The following CAMK2D variants were observed in gnomAD, a reference collection of about 807,000 sequenced individuals.
The protein encoded by CAMK2D is calcium/calmodulin dependent protein kinase II delta.
In CAMK2D, 37 loss-of-function variants were observed where a neutral mutation model predicts 84.0. That is an observed-to-expected ratio of 0.44 (90% CI 0.34 to 0.58). The LOEUF is 0.58. Ranked by LOEUF, CAMK2D falls within the 20% of genes least tolerant of loss-of-function variation. The pLI is 0.02. For synonymous variants in CAMK2D, 202 were observed against 212.5 expected (o/e 0.95, Z 0.43); for missense variants, 448 against 652.5 (o/e 0.69, Z 3.41).
chr4:113,505,090 T>G (rs766870561), intron 13 of CAMK2D, 55 bp from the exon 14 acceptor site: 7 of 997,598 alleles, frequency 7.0e-6, no homozygotes, highest in African/African-American at 1.6e-5. Context: ...TGGTAGCCAA[T>G]GTCTCTAGAT....
At chr4:113,500,331 T>C (rs1389887986) in intron 16 of CAMK2D, 132 bp downstream of exon 16, 1 of 496,868 alleles carries the variant, frequency 2.0e-6, no homozygotes, top group Non-Finnish European at 3.6e-6. Context: ...TATTTTTTAC[T>C]CATAAATAAA....
In CAMK2D at chr4:113,676,418, T is replaced by C. The variant is rs2214456; in HGVS notation, c.161-14646A>G. Among the ~76,000 whole-genome samples, 256 of 152,300 alleles carry C rather than the reference T, an allele frequency of 1.7e-3. 7 individuals carry two copies. The East Asian group carries it at 0.036, about 22-fold the overall frequency. ...TTCAGTGTCTCCTAGAGTGGCTTTT[T>C]TTTCAAACCATCAGGAATACCAGTC... is the stretch of plus-strand genomic sequence containing the variant. On this transcript the variant is annotated intron_variant, in intron 2 of 20. Transcript: ENST00000511664.
intron 3 of CAMK2D, among the ~76,000 whole-genome samples, chr4:113,645,967 G>C (rs2099150324): frequency 6.6e-6 from 1 of 152,200 alleles, no homozygotes; most frequent in Admixed American, 6.5e-5. Context: ...ATACGATAAG[G>C]AGATGTTAAG....
rs756549511 is a variant in CAMK2D at position 113,513,323 on chromosome 4, T to C, written c.946+5A>G. ...GATAAGAAGCAGAGTTCCCAATGCA[T>C]GTACCTGAGAAATTCCTTGTAGCCA... On this transcript the variant is annotated splice_donor_5th_base_variant and intron_variant, in intron 12 of 20. Coordinates refer to ENST00000511664, the MANE Select transcript of CAMK2D (RefSeq NM_001321571.2). 4 of 1,613,528 alleles carry C rather than the reference T, an allele frequency of 2.5e-6. No homozygotes were observed. The highest frequency in any genetic ancestry group is 2.7e-5 in the African/African-American group (2 of 75,034).
At chr4:113,515,338 TA>T (rs895117487) in intron 9 of CAMK2D, 147 bp from the exon 10 acceptor site, 17 of 555,990 alleles carry the variant, frequency 3.1e-5, no homozygotes, top group Admixed American at 2.7e-4. Context: ...CTAAAATAAA[TA>T]AAACCATTTA....
At chr4:113,748,017 T>C (rs1289386695) in intron 2 of CAMK2D, among the ~76,000 whole-genome samples, 6 of 151,890 alleles carry the variant, frequency 4.0e-5, no homozygotes, top group Non-Finnish European at 5.9e-5. Flanking sequence ...ACTTTGAACT[T>C]GTTTTTTTTC....
At chr4:113,489,405 C>T (rs1333840869) in intron 16 of CAMK2D, among the ~76,000 whole-genome samples, 2 of 149,320 alleles carry the variant, frequency 1.3e-5, no homozygotes, top group African/African-American at 5.0e-5. Context: ...TTTTTTTGTT[C>T]TTGCGATAGT....
intron 3 of CAMK2D, among the ~76,000 whole-genome samples, chr4:113,657,420 T>C (rs976590822): frequency 5.3e-5 from 8 of 152,124 alleles, no homozygotes; most frequent in Non-Finnish European, 7.4e-5. Context: ...AGCTTGGCAA[T>C]GGCTACACAC....
intron 16 of CAMK2D, among the ~76,000 whole-genome samples, chr4:113,496,165 C>A (rs899072689): frequency 6.6e-6 from 1 of 152,158 alleles, no homozygotes; most frequent in African/African-American, 2.4e-5. Flanking sequence ...CTAGGCACAC[C>A]CACACCCCTG....
At chr4:113,659,175 C>T (rs1229721274) in intron 3 of CAMK2D, among the ~76,000 whole-genome samples, 2 of 152,120 alleles carry the variant, frequency 1.3e-5, no homozygotes, top group African/African-American at 2.4e-5. Context: ...TCATTATCCA[C>T]AAAAATTGAG....
At chr4:113,712,302 T>C (rs983414446) in intron 2 of CAMK2D, among the ~76,000 whole-genome samples, 1 of 152,102 alleles carries the variant, frequency 6.6e-6, no homozygotes, top group East Asian at 1.9e-4. Context: ...AAGACTATGG[T>C]TGTTTACTGT....
At chr4:113,542,917 A>G (rs886120155) in intron 6 of CAMK2D, among the ~76,000 whole-genome samples, 9 of 152,066 alleles carry the variant, frequency 5.9e-5, no homozygotes, top group Admixed American at 5.9e-4. Context: ...TGACATTTCC[A>G]TTAAGTAATG....
At chr4:113,737,629 A>G (rs1313491202) in intron 2 of CAMK2D, among the ~76,000 whole-genome samples, 1 of 152,186 alleles carries the variant, frequency 6.6e-6, no homozygotes, top group African/African-American at 2.4e-5. Context: ...AACAGTTAAA[A>G]TGGTGGATTT....
At chr4:113,612,180 T>A (rs2099003017) in intron 3 of CAMK2D, among the ~76,000 whole-genome samples, 1 of 152,202 alleles carries the variant, frequency 6.6e-6, no homozygotes, top group Non-Finnish European at 1.5e-5. Flanking sequence ...TTTAAAAATG[T>A]TTAACTCTTC....
At chr4:113,633,797 AC>A (rs773420739) in intron 3 of CAMK2D, among the ~76,000 whole-genome samples, 13,875 of 152,156 alleles carry the variant, frequency 0.091, 1,887 homozygotes, top group African/African-American at 0.29. Flanking sequence ...GTAAAAATGT[AC>A]ATAATATAAT....
chr4:113,454,640 CTA>C (rs2097283625), intron 20 of CAMK2D, 125 bp from the exon 21 acceptor site: 6 of 652,536 alleles, frequency 9.2e-6, no homozygotes, highest in Non-Finnish European at 1.7e-5. Context: ...ATTGAAAACA[CTA>C]TGTATAAGAG....
intron 2 of CAMK2D, among the ~76,000 whole-genome samples, chr4:113,693,137 C>T (rs2099393145): frequency 1.3e-5 from 2 of 152,070 alleles, no homozygotes; most frequent in African/African-American, 4.8e-5. Context: ...GAATGGAAGG[C>T]AAGAAGTATT....
At chr4:113,483,156 C>T (rs1043444930) in intron 16 of CAMK2D, among the ~76,000 whole-genome samples, 1 of 152,150 alleles carries the variant, frequency 6.6e-6, no homozygotes, top group Non-Finnish European at 1.5e-5. Flanking sequence ...AATGCACTAG[C>T]AGATATAATT....
intron 16 of CAMK2D, among the ~76,000 whole-genome samples, chr4:113,468,346 T>C (rs2097503352): frequency 6.6e-6 from 1 of 152,276 alleles, no homozygotes; most frequent in African/African-American, 2.4e-5. Context: ...AAATGGGAAT[T>C]AGCCAGGATG....
Sources: allele counts gnomAD v4.1 joint callset (sites outside exome capture counted in the v4.1 genomes callset), GRCh38; gene constraint gnomAD v4.1.1; transcripts MANE v1.5; gene names NCBI Gene and HGNC (gene_info 2026-07-23, HGNC 2026-07-21).